The following CADPS variants were observed in gnomAD, a reference collection of about 807,000 sequenced individuals.
The protein encoded by CADPS is calcium dependent secretion activator.
Under a neutral mutation model 167.3 loss-of-function variants are expected in CADPS, and 57 were observed. That is an observed-to-expected ratio of 0.34 (90% CI 0.28 to 0.42). The LOEUF is 0.42. Among genes scored for constraint, CADPS ranks in the 20% least tolerant of loss-of-function variants. CADPS has a pLI of 1.00. For synonymous variants in CADPS, 676 were observed against 635.3 expected, an observed-to-expected ratio of 1.06 and a Z score of -0.96; for missense variants, 1,414 against 1,738.1, an observed-to-expected ratio of 0.81 and a Z score of 3.32.
chr3:62,864,851 C>G (rs1043133320), intron 1 of CADPS, among the ~76,000 whole-genome samples: 8 of 152,148 alleles, frequency 5.3e-5, no homozygotes, highest in African/African-American at 1.7e-4. Flanking sequence ...ACTATCCTGA[C>G]TTAGTCTACG....
At chr3:62,598,241 G>T (rs1459861991) in intron 6 of CADPS, among the ~76,000 whole-genome samples, 1 of 152,154 alleles carries the variant, frequency 6.6e-6, no homozygotes, top group Non-Finnish European at 1.5e-5. Context: ...CCCTCAAGCT[G>T]GCTCTGATCC....
chr3:62,549,639 T>C (rs535146912), intron 11 of CADPS, among the ~76,000 whole-genome samples: 1 of 152,324 alleles, frequency 6.6e-6, no homozygotes, highest in South Asian at 2.1e-4. Context: ...CTGTGAATTC[T>C]GTACTCTCAC....
chr3:62,863,821 A>T (rs1206658015), intron 1 of CADPS, among the ~76,000 whole-genome samples: 3 of 152,224 alleles, frequency 2.0e-5, no homozygotes, highest in Non-Finnish European at 4.4e-5. Flanking sequence ...TGAGTTGCAC[A>T]TTTGTGCCTT....
In CADPS at chr3:62,585,344, A is replaced by G. The variant is rs1404610213; in HGVS notation, c.1438-20T>C. On this transcript the variant is annotated intron_variant, in intron 7 of 29. Coordinates refer to ENST00000383710, the MANE Select transcript of CADPS (RefSeq NM_003716.4). ...AATAACCTGTAGGGGAAAAAGGACA[A>G]GCAACTAGAAAAGAGAAGCACCATT... 7 of 1,592,088 alleles carry G rather than the reference A, an allele frequency of 4.4e-6. No individual in the cohort carries two copies. Among genetic ancestry groups the G allele is most frequent in the Non-Finnish European group, 6.0e-6 (7 of 1,172,804 alleles).
At chr3:62,766,713 T>A (rs1506749) in intron 1 of CADPS, among the ~76,000 whole-genome samples, 125,826 of 151,442 alleles carry the variant, frequency 0.83, 53,301 homozygotes, top group East Asian at 0.98. Context: ...TTAGGAAAAC[T>A]TTCCTAAAAG....
intron 3 of CADPS, among the ~76,000 whole-genome samples, chr3:62,710,094 A>T (rs2151772650): frequency 6.6e-6 from 1 of 152,238 alleles, no homozygotes; most frequent in Non-Finnish European, 1.5e-5. Context: ...CTATGTTAAT[A>T]TCTAATAAAG....
chr3:62,672,085 T>C (rs1215657155), intron 3 of CADPS, among the ~76,000 whole-genome samples: 3 of 152,174 alleles, frequency 2.0e-5, no homozygotes, highest in African/African-American at 4.8e-5. Flanking sequence ...CAGCCAATTT[T>C]TTTAAAACCC....
chr3:62,606,958 CT>C (rs2060777096), intron 6 of CADPS, among the ~76,000 whole-genome samples: 1 of 152,230 alleles, frequency 6.6e-6, no homozygotes, highest in Non-Finnish European at 1.5e-5. Flanking sequence ...CAACCTTCAA[CT>C]GATTTTCAGA....
rs1390600383 is a variant in CADPS, at chr3:62,438,306, C to G, written c.3670-95G>C. On this transcript the variant is annotated intron_variant, in intron 27 of 29. Coordinates refer to ENST00000383710, the MANE Select transcript of CADPS (RefSeq NM_003716.4). This position sits in a 1 kb window ranked among gnomAD's most constrained non-coding sequence, Gnocchi z 4.7. The stretch of plus-strand genomic sequence containing the variant: ...GTACCCTCTACTTGCCCTCACACAC[C>G]CTGAGATGCTTCTGCTGGATCAGCT... 7.2e-6 allele frequency: 6 copies of G among 832,352 alleles called. No individual in the cohort carries two copies. The Admixed American group carries it at 1.2e-4, about 17-fold the overall frequency. The allele number at this position is 832,352 out of a possible 1,614,324, so 51.6% of individuals were successfully genotyped here. A position where few individuals can be genotyped will look rare whatever the true frequency, so the allele number is the denominator to read the frequency against.
chr3:62,411,324 G>T (rs1398345233), intron 28 of CADPS, among the ~76,000 whole-genome samples: 1 of 152,064 alleles, frequency 6.6e-6, no homozygotes, highest in Non-Finnish European at 1.5e-5. Context: ...TGCCTAGAGG[G>T]GCTAATGAAA....
intron 26 of CADPS, among the ~76,000 whole-genome samples, chr3:62,459,606 A>G (rs1030739119): frequency 2.0e-5 from 3 of 152,160 alleles, no homozygotes; most frequent in Admixed American, 1.3e-4. Flanking sequence ...ATTTCCTTCA[A>G]TGGTCTCCCA....
At position 62,682,018 on chromosome 3, in the gene CADPS, C is replaced by T. The variant is rs552084245; in HGVS notation, c.889-19624G>A. ...TGATGCATTACGAAGTATTTATTGT[C>T]GGGCTGTCTTATTAACTAAGAAATT... On this transcript the variant is annotated intron_variant, in intron 3 of 29. Coordinates refer to ENST00000383710, the MANE Select transcript of CADPS (RefSeq NM_003716.4). Among the ~76,000 whole-genome samples the T allele has an allele frequency of 3.0e-4, 45 of 152,080 alleles. No individual in the cohort carries two copies. The South Asian group carries it at 7.5e-3, about 25-fold the overall frequency.
intron 3 of CADPS, among the ~76,000 whole-genome samples, chr3:62,668,710 T>G (rs1512014): frequency 0.83 from 125,785 of 152,012 alleles, 52,225 homozygotes; most frequent in South Asian, 0.89. Flanking sequence ...GGCAGGGATG[T>G]GTGTTATTTT....
intron 14 of CADPS, 91 bp from the exon 15 acceptor site, chr3:62,516,734 A>C: frequency 1.1e-6 from 1 of 879,202 alleles, no homozygotes; most frequent in African/African-American, 1.7e-5. Flanking sequence ...ACTCTCTCTG[A>C]GGAATGGAAA....
At chr3:62,683,390 C>T (rs572186405) in intron 3 of CADPS, among the ~76,000 whole-genome samples, 1 of 151,980 alleles carries the variant, frequency 6.6e-6, no homozygotes, top group Non-Finnish European at 1.5e-5. Context: ...AGGCTAGGCA[C>T]TTTATAGCAT....
intron 28 of CADPS, among the ~76,000 whole-genome samples, chr3:62,435,146 A>G (rs1477303809): frequency 2.6e-5 from 4 of 152,232 alleles, no homozygotes; most frequent in Admixed American, 2.0e-4. Context: ...CAGAGCAACA[A>G]GTCTTTCTCA....
intron 3 of CADPS, among the ~76,000 whole-genome samples, chr3:62,685,682 C>A (rs74581855): frequency 3.0e-5 from 2 of 67,740 alleles, no homozygotes; most frequent in Non-Finnish European, 5.9e-5. Context: ...ATTTTTTCAT[C>A]GGGGGGGTGG....
intron 9 of CADPS, among the ~76,000 whole-genome samples, chr3:62,564,433 G>A (rs1210769828): frequency 1.3e-5 from 2 of 152,132 alleles, no homozygotes; most frequent in Non-Finnish European, 2.9e-5. Context: ...GAAAGGTTGT[G>A]AAGACCAGCT....
At chr3:62,869,674 A>G (rs1176410388) in intron 1 of CADPS, among the ~76,000 whole-genome samples, 2 of 152,160 alleles carry the variant, frequency 1.3e-5, no homozygotes, top group Non-Finnish European at 2.9e-5. Context: ...CATATATGTT[A>G]TCTTCCAAAC....
Sources: allele counts gnomAD v4.1 joint callset (sites outside exome capture counted in the v4.1 genomes callset), GRCh38; gene constraint gnomAD v4.1.1; non-coding constraint Gnocchi (gnomAD v3.1); transcripts MANE v1.5; gene names NCBI Gene and HGNC (gene_info 2026-07-23, HGNC 2026-07-21).